The following MST1R variants were observed in gnomAD, a reference collection of about 807,000 sequenced individuals.
The protein encoded by MST1R is macrophage stimulating 1 receptor, also known as macrophage-stimulating protein receptor.
A neutral mutation model predicts 117.8 loss-of-function variants in MST1R; 99 were observed. The observed-to-expected ratio is 0.84, with a 90% CI of 0.71 to 0.99. The LOEUF (loss-of-function observed/expected upper bound fraction) is 0.99. Ranked by LOEUF, MST1R falls within the 50% of genes least tolerant of loss-of-function variation. The probability of loss-of-function intolerance (pLI) is 0.00; values close to 1 mark genes in which losing one functional copy is unlikely to be tolerated. For missense variants in MST1R, 1,683 were observed against 1,840.2 expected, an observed-to-expected ratio of 0.91 and a Z score of 1.56; for synonymous variants, 734 against 765.3, an observed-to-expected ratio of 0.96 and a Z score of 0.68.
In MST1R at chr3:49,891,588, G is replaced by A; in HGVS notation, c.3353-8C>T. On this transcript the variant is annotated splice_polypyrimidine_tract_variant and splice_region_variant and intron_variant, in intron 15 of 19. Transcript: ENST00000296474. Reference sequence around the variant, plus strand: ...GCTGCATCTCTGTGATGCCTGCAGAGCAGCGCAAGTCAGGCACAGGGCAGG... The same window carrying A: ...GCTGCATCTCTGTGATGCCTGCAGAACAGCGCAAGTCAGGCACAGGGCAGG... 6.2e-7 allele frequency: 1 copy of A among 1,613,672 alleles called. No individual in the cohort carries two copies. The highest frequency in any genetic ancestry group is 1.3e-5 in the African/African-American group (1 of 75,056).
intron 1 of MST1R, among the ~76,000 whole-genome samples, chr3:49,901,651 AC>A (rs1219896574): frequency 6.7e-6 from 1 of 149,892 alleles, no homozygotes; most frequent in Non-Finnish European, 1.5e-5. Flanking sequence ...TCCCCCAATC[AC>A]CCCCAATCAT....
In MST1R at chr3:49,898,899, C is replaced by T. The variant is rs1202305542; in HGVS notation, c.1516G>A (p.Gly506Arg). 34 of 1,614,156 alleles carry T rather than the reference C, an allele frequency of 2.1e-5. No individual in the cohort carries two copies. The highest frequency in any genetic ancestry group is 2.8e-5 in the Non-Finnish European group (33 of 1,180,044). ...CCAGAGGCAAAGAGTAGGTGGTCCC[C>T]AAGACGACTGACATCCCGCTGCACG... ...QPVQRDVSRL[G>R]DHLLFASGDQ... is the part of the protein sequence containing the mutation. Residue 506 changes from glycine (G) to arginine (R), a missense_variant, in exon 3 of 20, where the codon GGG (glycine) becomes AGG (arginine). Gly to Arg is a moderately radical substitution (Grantham distance 125). Transcript: ENST00000296474.
chr3:49,895,177 G>A lies in MST1R; in HGVS notation c.3261C>T (p.Val1087=), dbSNP rs1235608313. Residue 1087 remains valine (V), a synonymous_variant, in exon 14 of 20, where the codon GTC becomes GTT. Coordinates refer to ENST00000296474, the MANE Select transcript of MST1R (RefSeq NM_002447.4). ...HERVVTHSDR[V]IGKGHFGVVY... Reference sequence around the variant, plus strand: ...ACCTGGCCCCCACACCTTTGCCAATGACTCGGTCACTGTGGGTGACCACCC... The same window carrying A: ...ACCTGGCCCCCACACCTTTGCCAATAACTCGGTCACTGTGGGTGACCACCC... 1.9e-6 allele frequency: 3 copies of A among 1,613,828 alleles called. No homozygotes were observed. Among genetic ancestry groups the A allele is most frequent in the Non-Finnish European group, 2.5e-6 (3 of 1,180,040 alleles).
intron 6 of MST1R, 36 bp from the exon 7 acceptor site, chr3:49,897,452 C>T (rs770373442): frequency 1.9e-6 from 3 of 1,609,624 alleles, no homozygotes; most frequent in Admixed American, 3.3e-5. Flanking sequence ...GCAGGTCCTC[C>T]ACTCCAAGCC....
Position 49,902,847 on chromosome 3 carries a change from T to A in MST1R, c.763A>T (p.Thr255Ser), listed in dbSNP as rs1205521807. 1 of 1,613,620 alleles carries A rather than the reference T, an allele frequency of 6.2e-7. No homozygotes were observed. The highest frequency in any genetic ancestry group is 8.5e-7 in the Non-Finnish European group (1 of 1,180,044). Residue 255 changes from threonine (T) to serine (S), a missense_variant, in exon 1 of 20, where the codon ACG (threonine) becomes TCG (serine). Transcript: ENST00000296474. ...YSIEYVHSFH[T>S]GAFVYFLTVQ... The stretch of plus-strand genomic sequence containing the variant: ...GTCAGGAAGTATACGAAGGCTCCCG[T>A]GTGGAAGCTGTGCACGTATTCAATA...
intron 7 of MST1R, 41 bp downstream of exon 7, chr3:49,897,239 T>C: frequency 6.4e-7 from 1 of 1,568,908 alleles, no homozygotes; most frequent in African/African-American, 1.4e-5. Flanking sequence ...CCCACCTGGA[T>C]AGAACCCTGC....
intron 7 of MST1R, 127 bp from the exon 8 acceptor site, chr3:49,897,017 G>A: frequency 2.4e-6 from 3 of 1,257,126 alleles, no homozygotes; most frequent in African/African-American, 3.0e-5. Context: ...TCCATGGTCT[G>A]TCTGAAAATA....
chr3:49,896,516 C>T (rs774405817), intron 9 of MST1R, 24 bp downstream of exon 9: 1 of 1,613,202 alleles, frequency 6.2e-7, no homozygotes, highest in African/African-American at 1.3e-5. Context: ...CAGCCTTCCT[C>T]CCTCCTGGCC....
Position 49,887,316 on chromosome 3 carries a change from C to T in MST1R, c.4194G>A (p.Arg1398=), listed in dbSNP as rs774743710. 9 of 1,613,990 alleles carry T rather than the reference C, an allele frequency of 5.6e-6. No individual in the cohort carries two copies. The highest frequency in any genetic ancestry group is 4.4e-5 in the South Asian group (4 of 91,082). ...CAGCCCAAGAACTAAGTCAAGTGGG[C>T]CGAGGAGGCTCTGAGAGTGGCCGGG... The part of the protein sequence containing the change: ...RRPRPLSEPP[R]PT Residue 1398 remains arginine (R), a synonymous_variant, in exon 20 of 20, where the codon CGG becomes CGA. Transcript: ENST00000296474.
chr3:49,897,339 ACT>A lies in MST1R; in HGVS notation c.2122_2123del (p.Leu709ValfsTer14), dbSNP rs750895643. 2.0e-5 allele frequency: 33 copies of A among 1,613,722 alleles called. No individual in the cohort carries two copies. In the African/African-American group the frequency reaches 4.3e-4, roughly 21 times the overall value. On this transcript the variant is annotated frameshift_variant, in exon 7 of 20. Transcript: ENST00000296474. LOFTEE classifies it high-confidence loss of function. ...GGTCLTLEGQ[S>X]LSVGTSRAVL... ...CAGCCCGGCTGGTGCCTACAGACAGACTCTGGCCTTCAAGAGTGAGACAGGTG... is the reference window on the plus strand; with the variant it reads ...CAGCCCGGCTGGTGCCTACAGACAGACTGGCCTTCAAGAGTGAGACAGGTG...
At position 49,903,558 on chromosome 3, in the gene MST1R, G is replaced by A. The variant is rs2108516406; in HGVS notation, c.52C>T (p.Pro18Ser). The change falls in exon 1 of 20, where the codon CCT becomes TCT. Residue 18 changes from proline to serine, a missense_variant. By Grantham distance (74) the Pro-to-Ser change is moderately conservative. Transcript: ENST00000296474. ...PQSFLLLLLL[P>S]AKPAAGEDWQ... ...TCCTCGCCCGCCGCGGGCTTGGCAG[G>A]CAACAGCAGCAGCAACAGGAAGGAC... 1.1e-5 allele frequency: 18 copies of A among 1,592,478 alleles called. No homozygotes were observed. Among genetic ancestry groups the A allele is most frequent in the Non-Finnish European group, 1.5e-5 (18 of 1,174,456 alleles).
At chr3:49,890,133 A>T in intron 18 of MST1R, 73 bp from the exon 19 acceptor site, 1 of 1,517,954 alleles carries the variant, frequency 6.6e-7, no homozygotes, top group Admixed American at 2.2e-5. Flanking sequence ...CAGGGCTTCT[A>T]CCTCCCAGAG....
In MST1R at chr3:49,897,548, G is replaced by A. The variant is rs1470977600; in HGVS notation, c.2018C>T (p.Thr673Ile). ...PPGKHFRVDG[T>I]SVLRGFSFME... ...GAAAGAGAAGCCTCTCAGCACGGAGGTGCCGTCTACCCGGAAGTGCTTGCC... is the reference window on the plus strand; with the variant it reads ...GAAAGAGAAGCCTCTCAGCACGGAGATGCCGTCTACCCGGAAGTGCTTGCC... Residue 673 changes from threonine (T) to isoleucine (I), a missense_variant, in exon 6 of 20, where the codon ACC becomes ATC. Transcript: ENST00000296474. The A allele has an allele frequency of 6.2e-7, 1 of 1,613,884 alleles. No individual in the cohort carries two copies. Among genetic ancestry groups the A allele is most frequent in the East Asian group, 2.2e-5 (1 of 44,902 alleles).
At position 49,897,635 on chromosome 3, in the gene MST1R, G is replaced by C; in HGVS notation, c.1931C>G (p.Pro644Arg). 1 of 1,614,140 alleles carries C rather than the reference G, an allele frequency of 6.2e-7. No homozygotes were observed. The highest frequency in any genetic ancestry group is 8.5e-7 in the Non-Finnish European group (1 of 1,180,026). Residue 644 changes from proline to arginine, a missense_variant, in exon 6 of 20, where the codon CCC becomes CGC. Pro to Arg is a moderately radical substitution (Grantham distance 103). Coordinates refer to ENST00000296474, the MANE Select transcript of MST1R (RefSeq NM_002447.4). ...FVEEFECELE[P>R]LGTQAVGPTN... ...AGGCCCCACTGCCTGGGTGCCCAAG[G>C]GCTCCAGTTCACACTCAAACTCCTC...
At chr3:49,898,467 C>A (rs1176591561) in intron 4 of MST1R, 51 bp downstream of exon 4, 36 of 1,590,366 alleles carry the variant, frequency 2.3e-5, no homozygotes, top group African/African-American at 4.0e-5. Flanking sequence ...GACCACCACC[C>A]CAGGCCCAGC....
Position 49,896,846 on chromosome 3 carries a change from G to GCCA in MST1R, c.2227_2228insTGG (p.Thr743delinsMetAla). On this transcript the variant is annotated protein_altering_variant, in exon 8 of 20. Coordinates refer to ENST00000296474, the MANE Select transcript of MST1R (RefSeq NM_002447.4). Reference sequence around the variant, plus strand: ...CAGGCTAAGGGGGACACTGGCCACCGTGGCCCCAGGGGGTGTGGCACATAA... The same window carrying GCCA: ...CAGGCTAAGGGGGACACTGGCCACCGCCATGGCCCCAGGGGGTGTGGCACATAA... 6.4e-7 allele frequency: 1 copy of GCCA among 1,552,472 alleles called. No homozygotes were observed. Among genetic ancestry groups the GCCA allele is most frequent in the Non-Finnish European group, 8.7e-7 (1 of 1,147,386 alleles).
At position 49,897,575 on chromosome 3, in the gene MST1R, G is replaced by T. The variant is rs535567428; in HGVS notation, c.1991C>A (p.Pro664Gln). The change falls in exon 6 of 20, where the codon CCG becomes CAG. Residue 664 changes from proline to glutamine, a missense_variant. Physicochemically the swap from Pro to Gln is moderately conservative, Grantham distance 76. Transcript: ENST00000296474. The stretch of plus-strand genomic sequence containing the variant: ...GCCGTCTACCCGGAAGTGCTTGCCC[G>T]GTGGCATGTTAGTCACGGTGAGGCT... ...NVSLTVTNMPPGKHFRVDGTS... is the reference protein window; with the variant it reads ...NVSLTVTNMPQGKHFRVDGTS... The T allele has an allele frequency of 6.2e-7, 1 of 1,613,996 alleles. No homozygotes were observed. The highest frequency in any genetic ancestry group is 1.3e-5 in the African/African-American group (1 of 74,950).
In MST1R at chr3:49,896,246, G is replaced by A. The variant is rs764243639; in HGVS notation, c.2598C>T (p.Pro866=). 4 of 1,614,186 alleles carry A rather than the reference G, an allele frequency of 2.5e-6. No individual in the cohort carries two copies. Among genetic ancestry groups the A allele is most frequent in the Non-Finnish European group, 2.5e-6 (3 of 1,180,026 alleles). Residue 866 remains proline (P), a synonymous_variant, in exon 10 of 20, where the codon CCC becomes CCT. Coordinates refer to ENST00000296474, the MANE Select transcript of MST1R (RefSeq NM_002447.4). Reference sequence around the variant, plus strand: ...GCTTCAGTGGAACTAGGTTGGCACTGGGTGGATGGGGTGGGGGTAGGAAGC... The same window carrying A: ...GCTTCAGTGGAACTAGGTTGGCACTAGGTGGATGGGGTGGGGGTAGGAAGC... ...GFRFLPPPHP[P]SANLVPLKPE...
rs750710420 is a variant in MST1R, at chr3:49,897,396, C to G, written c.2067G>C (p.Val689=). The change falls in exon 7 of 20, where the codon GTG becomes GTC. Residue 689 remains valine, a synonymous_variant. Coordinates refer to ENST00000296474, the MANE Select transcript of MST1R (RefSeq NM_002447.4). Reference sequence around the variant, plus strand: ...CTGCCCGTGGGCCAAAGAGGGGTTGCACTGCTATCAGCACTGGCTCCTAAG... The same window carrying G: ...CTGCCCGTGGGCCAAAGAGGGGTTGGACTGCTATCAGCACTGGCTCCTAAG... ...FSFMEPVLIA[V]QPLFGPRAGG... The G allele has an allele frequency of 6.6e-5, 107 of 1,613,504 alleles. No homozygotes were observed. Among genetic ancestry groups the G allele is most frequent in the Non-Finnish European group, 8.7e-5 (103 of 1,179,798 alleles).
Sources: gnomAD v4.1 joint callset for allele counts (sites outside exome capture counted in the v4.1 genomes callset) on GRCh38, gnomAD v4.1.1 for gene constraint, MANE v1.5 for transcripts, NCBI Gene and HGNC (gene_info 2026-07-23, HGNC 2026-07-21) for gene names.